GRM7: variants seen among roughly 807,000 people sequenced by gnomAD.
GRM7 encodes the protein metabotropic glutamate receptor 7.
In GRM7, 35 loss-of-function variants were observed where a neutral mutation model predicts 84.5. That is an observed-to-expected ratio of 0.41 (90% CI 0.32 to 0.55). The LOEUF is 0.55. Among genes scored for constraint, GRM7 ranks in the 20% least tolerant of loss-of-function variants. The pLI is 0.19. For missense variants in GRM7, 1,003 were observed against 1,194.6 expected (o/e 0.84, Z 2.36); for synonymous variants, 487 against 455.1 (o/e 1.07, Z -0.89).
chr3:7,126,984 A>G (rs4686116), intron 1 of GRM7, among the ~76,000 whole-genome samples: 1 of 152,236 alleles, frequency 6.6e-6, no homozygotes, highest in Non-Finnish European at 1.5e-5. Flanking sequence ...TAAATGTTCT[A>G]CTTTATGGAA....
chr3:6,878,663 T>C (rs1695402559), intron 1 of GRM7, among the ~76,000 whole-genome samples: 2 of 152,150 alleles, frequency 1.3e-5, no homozygotes, highest in Admixed American at 1.3e-4. Flanking sequence ...CAAACATCAA[T>C]GTGCTGAAGA....
At chr3:7,017,004 C>T (rs1048833918) in intron 1 of GRM7, among the ~76,000 whole-genome samples, 2 of 152,188 alleles carry the variant, frequency 1.3e-5, no homozygotes, top group East Asian at 3.9e-4. Context: ...GGCCGCACTC[C>T]AGGCCTCTTG....
intron 2 of GRM7, among the ~76,000 whole-genome samples, chr3:7,265,016 A>G (rs114158323): frequency 0.014 from 2,135 of 152,370 alleles, 17 homozygotes; most frequent in Non-Finnish European, 0.021. Flanking sequence ...AAGAACAGAT[A>G]TTCAAAGTTA....
intron 1 of GRM7, among the ~76,000 whole-genome samples, chr3:7,006,554 A>G (rs1375703534): frequency 1.3e-5 from 2 of 152,204 alleles, no homozygotes; most frequent in East Asian, 3.9e-4. Context: ...TTGCCATAGT[A>G]ATAATATAAG....
At chr3:7,526,288 A>G (rs1323419847) in intron 7 of GRM7, among the ~76,000 whole-genome samples, 5 of 152,216 alleles carry the variant, frequency 3.3e-5, no homozygotes, top group East Asian at 3.9e-4. Flanking sequence ...CTCTCTGCCA[A>G]CTGGTGATGT....
intron 7 of GRM7, among the ~76,000 whole-genome samples, chr3:7,467,032 A>T (rs945087218): frequency 6.6e-6 from 1 of 152,172 alleles, no homozygotes; most frequent in Non-Finnish European, 1.5e-5. Context: ...TTTTAAAATG[A>T]TGGACGTTAT....
intron 7 of GRM7, among the ~76,000 whole-genome samples, chr3:7,464,282 C>A (rs554849884): frequency 6.6e-6 from 1 of 152,080 alleles, no homozygotes; most frequent in East Asian, 1.9e-4. Context: ...TGGATGATGG[C>A]AACACATGAG....
At chr3:7,154,871 C>A (rs1694399099) in intron 2 of GRM7, among the ~76,000 whole-genome samples, 1 of 152,064 alleles carries the variant, frequency 6.6e-6, no homozygotes, top group African/African-American at 2.4e-5. Flanking sequence ...GCTTTCTCTT[C>A]CTAGTCTTCA....
chr3:7,692,133 A>T (rs184721445), intron 9 of GRM7, among the ~76,000 whole-genome samples: 151 of 152,150 alleles, frequency 9.9e-4, no homozygotes, highest in African/African-American at 3.4e-3. Flanking sequence ...TGGCCTTTTG[A>T]TGCATCATTA....
intron 3 of GRM7, among the ~76,000 whole-genome samples, chr3:7,299,504 G>T (rs753656219): frequency 1.5e-4 from 23 of 152,084 alleles, no homozygotes; most frequent in Non-Finnish European, 3.1e-4. Flanking sequence ...AAATAAACCT[G>T]ATTACAAAAT....
At chr3:7,512,010 T>G (rs144475241) in intron 7 of GRM7, among the ~76,000 whole-genome samples, 36 of 152,234 alleles carry the variant, frequency 2.4e-4, no homozygotes, top group African/African-American at 8.4e-4. Flanking sequence ...CCAGTCATGG[T>G]GGCACACTAA....
At chr3:7,636,417 T>C (rs895623731) in intron 8 of GRM7, 15 of 398,140 alleles carry the variant, frequency 3.8e-5, no homozygotes, top group Admixed American at 3.4e-4. Flanking sequence ...GAAAAATGAG[T>C]ACATGTTCAC....
intron 1 of GRM7, among the ~76,000 whole-genome samples, chr3:7,020,230 T>C (rs183121967): frequency 6.6e-6 from 1 of 152,296 alleles, no homozygotes; most frequent in East Asian, 1.9e-4. Context: ...AAAATGCATA[T>C]GACTAAGCGA....
chr3:7,102,517 T>C (rs1699147167), intron 1 of GRM7, among the ~76,000 whole-genome samples: 1 of 151,766 alleles, frequency 6.6e-6, no homozygotes, highest in Admixed American at 6.6e-5. Context: ...TGGTATGATG[T>C]GCCTAAGTGT....
intron 2 of GRM7, among the ~76,000 whole-genome samples, chr3:7,149,593 G>A (rs919480755): frequency 6.6e-6 from 1 of 152,154 alleles, no homozygotes; most frequent in South Asian, 2.1e-4. Context: ...ATGTGTATGG[G>A]TAGGTGAGGC....
intron 7 of GRM7, among the ~76,000 whole-genome samples, chr3:7,532,194 G>A (rs1338172122): frequency 6.6e-6 from 1 of 152,120 alleles, no homozygotes; most frequent in Non-Finnish European, 1.5e-5. Flanking sequence ...AGAAGGAATG[G>A]TACCAGCTCC....
At chr3:6,948,494 A>C (rs1354990083) in intron 1 of GRM7, among the ~76,000 whole-genome samples, 2 of 152,112 alleles carry the variant, frequency 1.3e-5, no homozygotes, top group African/African-American at 4.8e-5. Context: ...CAATTTTGGA[A>C]TAGGTGTGGT....
chr3:7,282,397 T>C (rs566335114), intron 2 of GRM7, among the ~76,000 whole-genome samples: 15 of 152,320 alleles, frequency 9.8e-5, no homozygotes, highest in African/African-American at 3.4e-4. Flanking sequence ...CCTTGGCTCA[T>C]GGCTCTCGCC....
chr3:7,291,617 G>A (rs1349624722), intron 2 of GRM7, among the ~76,000 whole-genome samples: 1 of 150,936 alleles, frequency 6.6e-6, no homozygotes, highest in Non-Finnish European at 1.5e-5. Context: ...GACTTCAGGG[G>A]ATTTCTGCCT....
Sources: gnomAD v4.1 joint callset for allele counts (sites outside exome capture counted in the v4.1 genomes callset) on GRCh38, gnomAD v4.1.1 for gene constraint, MANE v1.5 for transcripts, NCBI Gene and HGNC (gene_info 2026-07-23, HGNC 2026-07-21) for gene names.